ZNF330: variants seen among roughly 807,000 people sequenced by gnomAD.
ZNF330 encodes the protein nucleolar atypical zinc finger, also known as zinc finger protein 330.
ZNF330 carries 31 observed loss-of-function variants against 45.5 expected under a neutral mutation model. That is an observed-to-expected ratio of 0.68 (90% confidence interval 0.51 to 0.92). The LOEUF is 0.92. ZNF330 is among the 40% of genes least tolerant of loss of function. The probability of loss-of-function intolerance (pLI) is 0.00; values close to 1 mark genes in which losing one functional copy is unlikely to be tolerated. For missense variants in ZNF330, 356 were observed against 387.4 expected (o/e 0.92, Z 0.68); for synonymous variants, 138 against 123.2 (o/e 1.12, Z -0.79).
intron 9 of ZNF330, among the ~76,000 whole-genome samples, chr4:141,233,243 G>A (rs1442450244): frequency 6.6e-6 from 1 of 152,130 alleles, no homozygotes; most frequent in Non-Finnish European, 1.5e-5. Flanking sequence ...AATCACAGAT[G>A]TAGTTGCATG....
intron 5 of ZNF330, 43 bp from the exon 6 acceptor site, chr4:141,229,528 G>A (rs1728895705): frequency 1.2e-6 from 2 of 1,609,430 alleles, no homozygotes; most frequent in South Asian, 2.2e-5. Context: ...GGTTGCAGGT[G>A]GTCAGGTGAT....
At chr4:141,233,036 T>C (rs1728996702) in intron 9 of ZNF330, among the ~76,000 whole-genome samples, 1 of 152,146 alleles carries the variant, frequency 6.6e-6, no homozygotes, top group African/African-American at 2.4e-5. Context: ...AGGTGTGTGA[T>C]ATTTGAGCAC....
At chr4:141,232,700 A>G in intron 9 of ZNF330, 58 bp downstream of exon 9, 1 of 953,580 alleles carries the variant, frequency 1.0e-6, no homozygotes, top group Non-Finnish European at 1.5e-6. Flanking sequence ...GACAAAGTTT[A>G]TCTTTTTTTT....
Position 141,232,627 on chromosome 4 carries a change from G to A in ZNF330, c.673G>A (p.Asp225Asn), listed in dbSNP as rs777119909. 1.9e-6 allele frequency: 3 copies of A among 1,567,980 alleles called. No homozygotes were observed. Among genetic ancestry groups the A allele is most frequent in the African/African-American group, 2.8e-5 (2 of 72,650 alleles). ...TGGGCATGAAACTCAGGAGACTAAGGACCTTAGCATGTCAAGTAAGGCCCT... is the reference window on the plus strand; with the variant it reads ...TGGGCATGAAACTCAGGAGACTAAGAACCTTAGCATGTCAAGTAAGGCCCT... ...KCGHETQETKDLSMSTRSLKF... is the reference protein window; with the variant it reads ...KCGHETQETKNLSMSTRSLKF... Residue 225 changes from aspartate to asparagine, a missense_variant, in exon 9 of 10, where the codon GAC becomes AAC. Coordinates refer to ENST00000262990, the MANE Select transcript of ZNF330 (RefSeq NM_014487.6).
chr4:141,231,840 C>T (rs563435716), intron 8 of ZNF330, among the ~76,000 whole-genome samples: 2 of 152,062 alleles, frequency 1.3e-5, no homozygotes, highest in Non-Finnish European at 2.9e-5. Context: ...TTTCTGTGTC[C>T]TTAGGCCTAG....
intron 6 of ZNF330, 79 bp downstream of exon 6, chr4:141,229,776 A>AT (rs913273036): frequency 8.3e-6 from 13 of 1,561,954 alleles, no homozygotes; most frequent in East Asian, 2.2e-5. Context: ...TGTTTTTGAG[A>AT]TTTTTTTCAG....
chr4:141,232,114 T>C (rs1254864400), intron 8 of ZNF330, among the ~76,000 whole-genome samples: 6 of 152,098 alleles, frequency 3.9e-5, no homozygotes, highest in Non-Finnish European at 8.8e-5. Context: ...CCAAATCCCA[T>C]GTCTGCTTTA....
Position 141,233,777 on chromosome 4 carries a change from G to A in ZNF330, c.751G>A (p.Asp251Asn). 1 of 1,613,680 alleles carries A rather than the reference G, an allele frequency of 6.2e-7. No individual in the cohort carries two copies. Among genetic ancestry groups the A allele is most frequent in the Non-Finnish European group, 8.5e-7 (1 of 1,179,740 alleles). ...AGAGGGAGATGGAGCTTCTGGGTAT[G>A]ATGCTTATTGGAAGAACCTTTCATC... ...GEEGDGASGY[D>N]AYWKNLSSDK... The change falls in exon 10 of 10, where the codon GAT (aspartate) becomes AAT (asparagine). Residue 251 changes from aspartate to asparagine, a missense_variant. Coordinates refer to ENST00000262990, the MANE Select transcript of ZNF330 (RefSeq NM_014487.6).
rs1728985334 is a variant in ZNF330, at chr4:141,232,611, A to G, written c.657A>G (p.Glu219=). 5 of 1,590,700 alleles carry G rather than the reference A, an allele frequency of 3.1e-6. No individual in the cohort carries two copies. Among genetic ancestry groups the G allele is most frequent in the Non-Finnish European group, 4.3e-6 (5 of 1,168,700 alleles). The change falls in exon 9 of 10, where the codon GAA becomes GAG. Residue 219 remains glutamate (E), a synonymous_variant. Transcript: ENST00000262990. The part of the protein sequence containing the change: ...KQPPCPKCGH[E]TQETKDLSMS... ...CTCCTTGTCCTAAATGTGGGCATGA[A>G]ACTCAGGAGACTAAGGACCTTAGCA... is the stretch of plus-strand genomic sequence containing the variant.
chr4:141,230,564 A>G (rs113096741), intron 7 of ZNF330, among the ~76,000 whole-genome samples: 128 of 152,126 alleles, frequency 8.4e-4, no homozygotes, highest in African/African-American at 3.0e-3. Context: ...TGTCATTTTT[A>G]CCTTCAAATT....
rs1728762875 is a variant in ZNF330 at position 141,224,774 on chromosome 4, C to T, written c.211+97C>T. 4 of 985,172 alleles carry T rather than the reference C, an allele frequency of 4.1e-6. No individual in the cohort carries two copies. In the South Asian group the frequency reaches 5.7e-5, roughly 14 times the overall value. 61.0% of individuals were successfully genotyped at this position (985,172 alleles called of 1,614,324 possible). ...TTGTTGCTATTGGTTACAGTGCTTA[C>T]AATTGTTGATAATATTATGCCTTAC... On this transcript the variant is annotated intron_variant, in intron 4 of 9. Coordinates refer to ENST00000262990, the MANE Select transcript of ZNF330 (RefSeq NM_014487.6).
At chr4:141,229,892 T>A (rs1055640222) in intron 6 of ZNF330, among the ~76,000 whole-genome samples, 195 bp downstream of exon 6, 1 of 152,082 alleles carries the variant, frequency 6.6e-6, no homozygotes, top group African/African-American at 2.4e-5. Flanking sequence ...TACCCAAACA[T>A]GGAGGGAAGT....
At chr4:141,228,110 C>G (rs114752626) in intron 5 of ZNF330, among the ~76,000 whole-genome samples, 5 of 152,090 alleles carry the variant, frequency 3.3e-5, no homozygotes, top group African/African-American at 1.2e-4. Flanking sequence ...ATGAGGGAGA[C>G]CTATGATATA....
chr4:141,221,312 AC>A (rs33977381), intron 1 of ZNF330, among the ~76,000 whole-genome samples: 2,017 of 152,302 alleles, frequency 0.013, 42 homozygotes, highest in African/African-American at 0.045. Flanking sequence ...TTGGAGTGTT[AC>A]CGGAAAAGGG....
intron 8 of ZNF330, 115 bp from the exon 9 acceptor site, chr4:141,232,410 C>G (rs1281254954): frequency 7.7e-6 from 4 of 518,774 alleles, no homozygotes; most frequent in Non-Finnish European, 1.3e-5. Context: ...CTGCTCCCAA[C>G]AAAATTGTTA....
chr4:141,224,681 A>G lies in ZNF330; in HGVS notation c.211+4A>G. 1.2e-6 allele frequency: 2 copies of G among 1,611,690 alleles called. No individual in the cohort carries two copies. Among genetic ancestry groups the G allele is most frequent in the Non-Finnish European group, 1.7e-6 (2 of 1,178,636 alleles). ...TTACCAATTTGTGCACAGTGTGGTA[A>G]GTTTGTAATAATTAAGGACATATGC... On this transcript the variant is annotated splice_donor_region_variant and intron_variant, in intron 4 of 9. Coordinates refer to ENST00000262990, the MANE Select transcript of ZNF330 (RefSeq NM_014487.6).
At position 141,230,160 on chromosome 4, in the gene ZNF330, C is replaced by T; in HGVS notation, c.419-6C>T. 1 of 1,574,084 alleles carries T rather than the reference C, an allele frequency of 6.4e-7. No homozygotes were observed. The highest frequency in any genetic ancestry group is 8.7e-7 in the Non-Finnish European group (1 of 1,154,072). On this transcript the variant is annotated splice_region_variant and splice_polypyrimidine_tract_variant and intron_variant, in intron 6 of 9. Transcript: ENST00000262990. ...TAATTACATTTGTGTTTTTTTAATC[C>T]AATAGGAGGCAGAATATTCAGTTGT...
intron 5 of ZNF330, among the ~76,000 whole-genome samples, chr4:141,228,545 C>G (rs926856723): frequency 6.6e-6 from 1 of 152,004 alleles, no homozygotes; most frequent in African/African-American, 2.4e-5. Flanking sequence ...CCTGTTTGTC[C>G]TAAGAACTTC....
intron 5 of ZNF330, among the ~76,000 whole-genome samples, chr4:141,227,369 A>G (rs1399056093): frequency 6.6e-6 from 1 of 151,760 alleles, no homozygotes; most frequent in Non-Finnish European, 1.5e-5. Flanking sequence ...GTTCCCACCT[A>G]TGAGTGAGAA....
Sources: gnomAD v4.1 joint callset for allele counts (sites outside exome capture counted in the v4.1 genomes callset) on GRCh38, gnomAD v4.1.1 for gene constraint, MANE v1.5 for transcripts, NCBI Gene and HGNC (gene_info 2026-07-23, HGNC 2026-07-21) for gene names.